CHL1: variants seen among roughly 807,000 people sequenced by gnomAD.
The protein encoded by CHL1 is cell adhesion molecule L1 like, also known as neural cell adhesion molecule L1-like protein.
A neutral mutation model predicts 141.9 loss-of-function variants in CHL1; 96 were observed. That is an observed-to-expected ratio of 0.68 (90% CI 0.57 to 0.80). The LOEUF (loss-of-function observed/expected upper bound fraction) is 0.80, where lower values mean the gene tolerates loss of function less well. Ranked by LOEUF, CHL1 falls within the 30% of genes least tolerant of loss-of-function variation. The probability of loss-of-function intolerance (pLI) is 0.00; values close to 1 mark genes in which losing one functional copy is unlikely to be tolerated. For missense variants in CHL1, 1,820 were observed against 1,457.2 expected (o/e 1.25, Z -4.05); for synonymous variants, 613 against 502.2 (o/e 1.22, Z -2.95).
intron 1 of CHL1, among the ~76,000 whole-genome samples, chr3:205,934 A>G (rs1194864272): frequency 6.6e-6 from 1 of 152,212 alleles, no homozygotes; most frequent in East Asian, 1.9e-4. Context: ...GTCTTGCAGT[A>G]CCAGAGTCAG....
chr3:336,181 C>G (rs1000833666), intron 5 of CHL1, among the ~76,000 whole-genome samples: 1 of 152,088 alleles, frequency 6.6e-6, no homozygotes, highest in Non-Finnish European at 1.5e-5. Flanking sequence ...CTTTGAGACT[C>G]AGGTAACACA....
intron 2 of CHL1, among the ~76,000 whole-genome samples, chr3:263,256 A>C (rs139551733): frequency 5.7e-4 from 87 of 152,244 alleles, no homozygotes; most frequent in African/African-American, 1.9e-3. Flanking sequence ...GCCAGTTGTA[A>C]GAGCTAATTC....
intron 5 of CHL1, among the ~76,000 whole-genome samples, chr3:329,933 A>G (rs777084098): frequency 6.6e-6 from 1 of 152,124 alleles, no homozygotes; most frequent in Non-Finnish European, 1.5e-5. Context: ...CAAATTCACC[A>G]TAATAATGAG....
intron 2 of CHL1, among the ~76,000 whole-genome samples, chr3:257,734 T>G (rs1694311807): frequency 6.6e-6 from 1 of 152,188 alleles, no homozygotes; most frequent in Admixed American, 6.5e-5. Flanking sequence ...TTTATTTCAA[T>G]TCATGTATTT....
At chr3:327,128 G>C (rs1280125726) in intron 4 of CHL1, among the ~76,000 whole-genome samples, 1 of 151,914 alleles carries the variant, frequency 6.6e-6, no homozygotes, top group African/African-American at 2.4e-5. Context: ...CACACAGAGA[G>C]AAGTAAAATA....
intron 1 of CHL1, among the ~76,000 whole-genome samples, chr3:226,907 G>A (rs186274035): frequency 2.6e-5 from 4 of 152,206 alleles, no homozygotes; most frequent in Admixed American, 6.5e-5. Flanking sequence ...AATAAGAAGG[G>A]CATATTATTC....
chr3:242,467 G>T lies in CHL1; in HGVS notation c.-174-2146G>T, dbSNP rs534434314. ...AAAAATTATCCCGGCGTGGTGGTGGGCGCCTGTAGTCCCAGCTACCTGGGA... is the reference window on the plus strand; with the variant it reads ...AAAAATTATCCCGGCGTGGTGGTGGTCGCCTGTAGTCCCAGCTACCTGGGA... On this transcript the variant is annotated intron_variant, in intron 1 of 27. Transcript: ENST00000256509. 1.4e-3 allele frequency among the ~76,000 whole-genome samples: 205 copies of T among 149,048 alleles called. 11 individuals are homozygous for T. Among genetic ancestry groups the T allele is most frequent in the Admixed American group, 0.012 (178 of 14,818 alleles).
chr3:358,297 C>G (rs575002623), intron 11 of CHL1, among the ~76,000 whole-genome samples: 1 of 152,260 alleles, frequency 6.6e-6, no homozygotes, highest in East Asian at 1.9e-4. Flanking sequence ...CACTGCATCT[C>G]TCTGACCATC....
At chr3:400,157 A>G (rs914787354) in intron 26 of CHL1, among the ~76,000 whole-genome samples, 1 of 152,222 alleles carries the variant, frequency 6.6e-6, no homozygotes, top group African/African-American at 2.4e-5. Flanking sequence ...CATGATGTTC[A>G]GATATATGAG....
chr3:355,278 G>T (rs1378249094), intron 11 of CHL1, among the ~76,000 whole-genome samples: 1 of 152,094 alleles, frequency 6.6e-6, no homozygotes, highest in African/African-American at 2.4e-5. Context: ...GGCATCCCAA[G>T]TCTGAACATG....
At chr3:232,404 A>C (rs2125047252) in intron 1 of CHL1, among the ~76,000 whole-genome samples, 1 of 152,328 alleles carries the variant, frequency 6.6e-6, no homozygotes, top group South Asian at 2.1e-4. Flanking sequence ...ATATTATTAT[A>C]GTAAATTAGA....
chr3:262,788 A>T (rs1285783205), intron 2 of CHL1, among the ~76,000 whole-genome samples: 1 of 152,224 alleles, frequency 6.6e-6, no homozygotes, highest in East Asian at 1.9e-4. Flanking sequence ...AGAAATCAGC[A>T]TATTAATGTT....
At chr3:227,113 C>T (rs953549414) in intron 1 of CHL1, among the ~76,000 whole-genome samples, 1 of 152,102 alleles carries the variant, frequency 6.6e-6, no homozygotes, top group African/African-American at 2.4e-5. Context: ...TGTTGTCCAC[C>T]TCTTCTTTCC....
At chr3:320,771 A>G (rs1011650150) in intron 3 of CHL1, among the ~76,000 whole-genome samples, 39 of 152,084 alleles carry the variant, frequency 2.6e-4, no homozygotes, top group African/African-American at 8.9e-4. Flanking sequence ...CCATGTATAG[A>G]TCTTGCAGAT....
rs1703033654 is a variant in CHL1 at position 349,249 on chromosome 3, T to C, written c.849-110T>C. 3.6e-6 allele frequency: 3 copies of C among 843,502 alleles called. No homozygotes were observed. In the South Asian group the frequency reaches 4.8e-5, roughly 14 times the overall value. 52.3% of individuals were successfully genotyped at this position (843,502 alleles called of 1,614,324 possible). A position where few individuals can be genotyped will look rare whatever the true frequency, so the allele number is the denominator to read the frequency against. On this transcript the variant is annotated intron_variant, in intron 9 of 27. Coordinates refer to ENST00000256509, the MANE Select transcript of CHL1 (RefSeq NM_006614.4). ...GTAAGGATGACGTGATTCAGTGGAA[T>C]ATGAGCACATGTGTAAAAGCACCCT...
intron 15 of CHL1, among the ~76,000 whole-genome samples, chr3:366,863 G>C (rs1447126574): frequency 6.6e-6 from 1 of 152,170 alleles, no homozygotes; most frequent in Non-Finnish European, 1.5e-5. Flanking sequence ...CACCTCTCAT[G>C]TCTGCCAGAA....
intron 2 of CHL1, among the ~76,000 whole-genome samples, chr3:283,635 C>T (rs1302207643): frequency 6.6e-6 from 1 of 152,198 alleles, no homozygotes; most frequent in Non-Finnish European, 1.5e-5. Flanking sequence ...GGAATACAGA[C>T]TCTAGTGTAA....
Position 344,668 on chromosome 3 carries a change from C to T in CHL1, c.807C>T (p.Leu269=), listed in dbSNP as rs1702611793. The change falls in exon 9 of 28, where the codon CTC becomes CTT. Residue 269 remains leucine, a synonymous_variant. Transcript: ENST00000256509. ...GCAGTGAGTCTTCAATTACCATCCTCAAAGGGGAAATCTTGCTGCTTGAGT... is the reference window on the plus strand; with the variant it reads ...GCAGTGAGTCTTCAATTACCATCCTTAAAGGGGAAATCTTGCTGCTTGAGT... ...ESGSESSITI[L]KGEILLLECF... The T allele has an allele frequency of 5.0e-6, 8 of 1,613,810 alleles. No homozygotes were observed. The highest frequency in any genetic ancestry group is 6.8e-6 in the Non-Finnish European group (8 of 1,179,842).
At chr3:268,985 T>A (rs1695405022) in intron 2 of CHL1, among the ~76,000 whole-genome samples, 1 of 152,224 alleles carries the variant, frequency 6.6e-6, no homozygotes, top group African/African-American at 2.4e-5. Context: ...TTGTAGCTGT[T>A]GTTGCTCTCA....
Sources: allele counts gnomAD v4.1 joint callset (sites outside exome capture counted in the v4.1 genomes callset), GRCh38; gene constraint gnomAD v4.1.1; transcripts MANE v1.5; gene names NCBI Gene and HGNC (gene_info 2026-07-23, HGNC 2026-07-21).